The following TRMT44 variants were observed in gnomAD, a reference collection of about 807,000 sequenced individuals.
The protein encoded by TRMT44 is tRNA methyltransferase 44 homolog, also known as probable tRNA (uracil-O(2)-)-methyltransferase.
A neutral mutation model predicts 77.3 loss-of-function variants in TRMT44; 78 were observed. That is an observed-to-expected ratio of 1.01 (90% CI 0.84 to 1.22). The LOEUF is 1.22. Among genes scored for constraint, TRMT44 ranks in the 50% most tolerant of loss-of-function variants. The probability of loss-of-function intolerance (pLI) is 0.00; values close to 1 mark genes in which losing one functional copy is unlikely to be tolerated. For missense variants in TRMT44, 1,090 were observed against 964.4 expected (o/e 1.13, Z -1.73); for synonymous variants, 391 against 383.3 (o/e 1.02, Z -0.23).
intron 2 of TRMT44, among the ~76,000 whole-genome samples, chr4:8,488,900 C>G (rs1255003777): frequency 6.6e-6 from 1 of 152,150 alleles, no homozygotes; most frequent in Non-Finnish European, 1.5e-5. Context: ...GGAGGGGGAA[C>G]CACTGCGACG....
chr4:8,469,980 A>G (rs1726872222), intron 9 of TRMT44, among the ~76,000 whole-genome samples: 1 of 152,224 alleles, frequency 6.6e-6, no homozygotes, highest in African/African-American at 2.4e-5. Flanking sequence ...AAGAGGCTCC[A>G]AGTCCTGCCT....
intron 10 of TRMT44, among the ~76,000 whole-genome samples, chr4:8,473,829 A>C (rs1727187764): frequency 6.6e-6 from 1 of 152,132 alleles, no homozygotes; most frequent in Non-Finnish European, 1.5e-5. Context: ...ATGGGGGCTC[A>C]GGTGTTAAGA....
At chr4:8,488,417 T>G (rs929068549) in intron 2 of TRMT44, among the ~76,000 whole-genome samples, 2 of 151,920 alleles carry the variant, frequency 1.3e-5, no homozygotes, top group South Asian at 2.1e-4. Flanking sequence ...TAAAGGAAAA[T>G]TACAGTCAAA....
the TRMT44 span, among the ~76,000 whole-genome samples, chr4:8,502,256 C>A: frequency 6.6e-6 from 1 of 152,178 alleles, no homozygotes; most frequent in Non-Finnish European, 1.5e-5. Flanking sequence ...GGACAGGCAG[C>A]CGCCATGAAA....
At chr4:8,499,801 C>T in the TRMT44 span, among the ~76,000 whole-genome samples, 2 of 152,070 alleles carry the variant, frequency 1.3e-5, no homozygotes, top group African/African-American at 4.8e-5. Flanking sequence ...GAAGAAAACA[C>T]AAAACTGTCA....
At chr4:8,500,646 C>T in the TRMT44 span, among the ~76,000 whole-genome samples, 20 of 150,830 alleles carry the variant, frequency 1.3e-4, no homozygotes, top group African/African-American at 3.4e-4. Flanking sequence ...AAGTGTCTGG[C>T]AGGCACTGTT....
rs746998466 is a variant in TRMT44 at position 8,446,784 on chromosome 4, G to C, written c.734+194G>C. The stretch of plus-strand genomic sequence containing the variant: ...TGGTGCCTGGCCTCGAGTCTGGGTG[G>C]TCACAGCCTGGCTGGGGTTTCTGAT... On this transcript the variant is annotated intron_variant, in intron 2 of 10. Coordinates refer to ENST00000389737, the MANE Select transcript of TRMT44 (RefSeq NM_152544.3). The surrounding 1 kb of genome is among the most constrained non-coding windows in gnomAD (Gnocchi z 4.3). 5.3e-5 allele frequency among the ~76,000 whole-genome samples: 8 copies of C among 152,176 alleles called. No individual in the cohort carries two copies. Among genetic ancestry groups the C allele is most frequent in the Non-Finnish European group, 1.0e-4 (7 of 68,022 alleles).
At chr4:8,459,988 G>T (rs1039683813) in intron 6 of TRMT44, among the ~76,000 whole-genome samples, 1 of 152,138 alleles carries the variant, frequency 6.6e-6, no homozygotes, top group African/African-American at 2.4e-5. Flanking sequence ...GACACCCGGG[G>T]GTCTGGGCCT....
At position 8,465,416 on chromosome 4, in the gene TRMT44, G is replaced by C; in HGVS notation, c.1349G>C (p.Cys450Ser). ...YNCRFFVLPCCFFDFIGRYSR... is the reference protein window; with the variant it reads ...YNCRFFVLPCSFFDFIGRYSR... Reference sequence around the variant, plus strand: ...TGCCGCTTCTTTGTCCTCCCCTGCTGCTTCTTTGACTTCATTGGAAGATAC... The same window carrying C: ...TGCCGCTTCTTTGTCCTCCCCTGCTCCTTCTTTGACTTCATTGGAAGATAC... Residue 450 changes from cysteine (C) to serine (S), a missense_variant, in exon 8 of 11, where the codon TGC becomes TCC. Transcript: ENST00000389737. 1.2e-6 allele frequency: 2 copies of C among 1,613,794 alleles called. No homozygotes were observed. Among genetic ancestry groups the C allele is most frequent in the South Asian group, 1.1e-5 (1 of 91,028 alleles).
the TRMT44 span, among the ~76,000 whole-genome samples, chr4:8,516,814 C>T: frequency 1.3e-5 from 2 of 152,280 alleles, no homozygotes; most frequent in South Asian, 2.1e-4. Flanking sequence ...ACAACACCAT[C>T]ACCAGCCCAG....
chr4:8,452,018 C>T lies in TRMT44; in HGVS notation c.1013C>T (p.Ala338Val). Residue 338 changes from alanine (A) to valine (V), a missense_variant, in exon 4 of 11, where the codon GCA becomes GTA. Coordinates refer to ENST00000389737, the MANE Select transcript of TRMT44 (RefSeq NM_152544.3). The surrounding 1 kb of genome is among the most constrained non-coding windows in gnomAD (Gnocchi z 5.7). ...KFVYEDVAIA[A>V]YLLILWEEER... is the part of the protein sequence containing the mutation. Reference sequence around the variant, plus strand: ...GTGTATGAAGATGTGGCTATCGCAGCATACCTGCTGGTAAGGGTGTAAGCG... The same window carrying T: ...GTGTATGAAGATGTGGCTATCGCAGTATACCTGCTGGTAAGGGTGTAAGCG... 6.5e-7 allele frequency: 1 copy of T among 1,536,608 alleles called. No individual in the cohort carries two copies. The highest frequency in any genetic ancestry group is 1.4e-5 in the African/African-American group (1 of 73,168).
the TRMT44 span, chr4:8,507,065 A>C: frequency 6.6e-6 from 1 of 152,394 alleles, no homozygotes; most frequent in Non-Finnish European, 1.5e-5. Flanking sequence ...CGACCACAGC[A>C]GGTTCCCACC....
At chr4:8,470,761 C>A (rs1726924414) in intron 9 of TRMT44, among the ~76,000 whole-genome samples, 1 of 152,222 alleles carries the variant, frequency 6.6e-6, no homozygotes, top group Admixed American at 6.5e-5. Flanking sequence ...AACAGCCACC[C>A]CCCTTCATGG....
At chr4:8,454,601 G>A in intron 5 of TRMT44, 141 bp from the exon 6 acceptor site, 3 of 717,676 alleles carry the variant, frequency 4.2e-6, no homozygotes, top group Non-Finnish European at 7.1e-6. Flanking sequence ...GGACACATCA[G>A]GATGGGTATG....
Position 8,470,918 on chromosome 4 carries a change from G to C in TRMT44, c.1928-166G>C. On this transcript the variant is annotated intron_variant, in intron 9 of 10. Coordinates refer to ENST00000389737, the MANE Select transcript of TRMT44 (RefSeq NM_152544.3). The stretch of plus-strand genomic sequence containing the variant: ...GGGTGGGGACGCCACGGCCCTCACG[G>C]TTTGGTGCGGTGTGGTGTGGGTTAG... 3.5e-6 allele frequency: 2 copies of C among 564,926 alleles called. 1 individual carries two copies. Among genetic ancestry groups the C allele is most frequent in the South Asian group, 4.8e-5 (2 of 41,480 alleles). 35.0% of individuals were successfully genotyped at this position (564,926 alleles called of 1,614,324 possible).
the TRMT44 span, among the ~76,000 whole-genome samples, chr4:8,505,324 A>G: frequency 1.3e-5 from 2 of 152,156 alleles, no homozygotes; most frequent in Non-Finnish European, 2.9e-5. Context: ...AGGTGCACTG[A>G]GGCCAGATGC....
chr4:8,471,180 A>G lies in TRMT44; in HGVS notation c.2024A>G (p.Asn675Ser), dbSNP rs770072439. 3 of 1,603,982 alleles carry G rather than the reference A, an allele frequency of 1.9e-6. No individual in the cohort carries two copies. Among genetic ancestry groups the G allele is most frequent in the South Asian group, 1.1e-5 (1 of 89,764 alleles). ...ECGGLQTLLR[N>S]SHQVFQVVNG... ...GGGGGCCTGCAGACGCTGCTCCGGAACAGCCACCAGGTGTTCCAAGGTACG... is the reference window on the plus strand; with the variant it reads ...GGGGGCCTGCAGACGCTGCTCCGGAGCAGCCACCAGGTGTTCCAAGGTACG... The change falls in exon 10 of 11, where the codon AAC (asparagine) becomes AGC (serine). Residue 675 changes from asparagine (N) to serine (S), a missense_variant. Coordinates refer to ENST00000389737, the MANE Select transcript of TRMT44 (RefSeq NM_152544.3).
At chr4:8,497,273 T>C (rs1328203475), downstream of TRMT44, among the ~76,000 whole-genome samples, 1 of 152,258 alleles carries the variant, frequency 6.6e-6, no homozygotes, top group East Asian at 1.9e-4. Flanking sequence ...TGTTTTTCGT[T>C]TGATGCAGCT....
intron 6 of TRMT44, among the ~76,000 whole-genome samples, chr4:8,459,061 A>C (rs564855519): frequency 3.0e-4 from 46 of 151,192 alleles, no homozygotes; most frequent in African/African-American, 1.1e-3. Context: ...AATTAGCTGG[A>C]CATGGTGGCA....
Sources: allele counts gnomAD v4.1 joint callset (sites outside exome capture counted in the v4.1 genomes callset), GRCh38; gene constraint gnomAD v4.1.1; non-coding constraint Gnocchi (gnomAD v3.1); transcripts MANE v1.5; gene names NCBI Gene and HGNC (gene_info 2026-07-23, HGNC 2026-07-21).